The following LCLAT1 variants were observed in gnomAD, a reference collection of about 807,000 sequenced individuals.
The protein encoded by LCLAT1 is 1-AGP acyltransferase 8.
LCLAT1 carries 11 observed loss-of-function variants against 30.7 expected under a neutral mutation model. The ratio of observed to expected loss-of-function variants is 0.36; its 90% CI spans 0.23 to 0.59. The LOEUF is 0.59. Ranked by LOEUF, LCLAT1 falls within the 20% of genes least tolerant of loss-of-function variation. The pLI is 0.77. For synonymous variants in LCLAT1, 155 were observed against 151.3 expected, an observed-to-expected ratio of 1.02 and a Z score of -0.18; for missense variants, 402 against 458.6, an observed-to-expected ratio of 0.88 and a Z score of 1.13.
chr2:30,549,625 A>C (rs1297587823), intron 3 of LCLAT1, among the ~76,000 whole-genome samples: 1 of 152,218 alleles, frequency 6.6e-6, no homozygotes, highest in African/African-American at 2.4e-5. Context: ...AAGATATGCA[A>C]GATGAACCCT....
At chr2:30,455,243 T>C (rs1050013900) in intron 1 of LCLAT1, among the ~76,000 whole-genome samples, 1 of 152,244 alleles carries the variant, frequency 6.6e-6, no homozygotes, top group African/African-American at 2.4e-5. Context: ...TTCTCTTTTG[T>C]ATTTGTACTT....
intron 3 of LCLAT1, among the ~76,000 whole-genome samples, chr2:30,540,750 C>T (rs372355194): frequency 2.6e-5 from 4 of 151,672 alleles, no homozygotes; most frequent in African/African-American, 2.4e-5. Context: ...CTGCAATGTC[C>T]GCCTCCCGGG....
At chr2:30,593,829 A>G (rs1289084986) in intron 5 of LCLAT1, among the ~76,000 whole-genome samples, 2 of 151,520 alleles carry the variant, frequency 1.3e-5, no homozygotes, top group Admixed American at 1.3e-4. Flanking sequence ...AGGCTGAAGC[A>G]GGAGGATTGC....
At chr2:30,534,489 A>G (rs967624879) in intron 3 of LCLAT1, among the ~76,000 whole-genome samples, 1 of 152,282 alleles carries the variant, frequency 6.6e-6, no homozygotes, top group South Asian at 2.1e-4. Context: ...CGTGTTAGCC[A>G]GGATGGTCTT....
At chr2:30,490,560 C>T (rs927414059) in intron 1 of LCLAT1, among the ~76,000 whole-genome samples, 5 of 152,142 alleles carry the variant, frequency 3.3e-5, no homozygotes, top group Non-Finnish European at 1.5e-5. Context: ...GGAAATTTTC[C>T]TGGTAACTCT....
chr2:30,593,528 G>A (rs1458681873), intron 5 of LCLAT1, among the ~76,000 whole-genome samples: 1 of 152,118 alleles, frequency 6.6e-6, no homozygotes, highest in Non-Finnish European at 1.5e-5. Context: ...GCTTAGCTAT[G>A]CAGGGTCTTT....
At chr2:30,542,361 G>A (rs1032034408) in intron 3 of LCLAT1, among the ~76,000 whole-genome samples, 3 of 152,000 alleles carry the variant, frequency 2.0e-5, no homozygotes, top group Non-Finnish European at 2.9e-5. Context: ...TTATTGTGAG[G>A]CAGGGTCAAT....
chr2:30,531,307 A>G (rs1685973256), intron 2 of LCLAT1, among the ~76,000 whole-genome samples: 1 of 152,132 alleles, frequency 6.6e-6, no homozygotes, highest in South Asian at 2.1e-4. Context: ...CTGTGGATCC[A>G]CACCTGTAGG....
At chr2:30,637,577 G>T (rs1221396521) in intron 5 of LCLAT1, among the ~76,000 whole-genome samples, 1 of 151,970 alleles carries the variant, frequency 6.6e-6, no homozygotes, top group South Asian at 2.1e-4. Flanking sequence ...CTGACTACTG[G>T]CCCAGTTCTT....
chr2:30,558,910 T>A (rs1665065752), intron 3 of LCLAT1, among the ~76,000 whole-genome samples: 1 of 152,202 alleles, frequency 6.6e-6, no homozygotes, highest in African/African-American at 2.4e-5. Context: ...TACAAGATTA[T>A]CTATATTAAC....
chr2:30,620,182 C>T (rs374582534), intron 5 of LCLAT1, among the ~76,000 whole-genome samples: 2 of 152,136 alleles, frequency 1.3e-5, no homozygotes, highest in African/African-American at 4.8e-5. Context: ...TACAACTTCC[C>T]ATGGTCCTCT....
chr2:30,493,864 A>ATAAC (rs1344230897), intron 1 of LCLAT1, among the ~76,000 whole-genome samples: 2 of 152,194 alleles, frequency 1.3e-5, no homozygotes, highest in Admixed American at 1.3e-4. Context: ...TATTTAAAAA[A>ATAAC]TAGTTTTGAC....
chr2:30,474,049 T>C (rs1276358201), intron 1 of LCLAT1, among the ~76,000 whole-genome samples: 1 of 152,196 alleles, frequency 6.6e-6, no homozygotes, highest in East Asian at 1.9e-4. Context: ...CTTATGCAGC[T>C]ATGAAAATAC....
At chr2:30,546,357 C>T (rs190213177) in intron 3 of LCLAT1, among the ~76,000 whole-genome samples, 13 of 152,208 alleles carry the variant, frequency 8.5e-5, no homozygotes, top group Middle Eastern at 3.4e-3. Context: ...ATTTTACATG[C>T]TGTTGGTATT....
At chr2:30,458,307 A>G (rs940039945) in intron 1 of LCLAT1, among the ~76,000 whole-genome samples, 4 of 152,230 alleles carry the variant, frequency 2.6e-5, no homozygotes, top group Non-Finnish European at 5.9e-5. Context: ...TGTACTAGGA[A>G]GAAGCATTAG....
chr2:30,506,263 GT>G (rs1237264743), intron 1 of LCLAT1, among the ~76,000 whole-genome samples: 3 of 151,976 alleles, frequency 2.0e-5, no homozygotes, highest in African/African-American at 7.2e-5. Context: ...TTGTCTGTTT[GT>G]TTTTTCCAAA....
At chr2:30,541,987 TCTC>T (rs1664163420) in intron 3 of LCLAT1, among the ~76,000 whole-genome samples, 2 of 152,198 alleles carry the variant, frequency 1.3e-5, no homozygotes, top group South Asian at 4.1e-4. Flanking sequence ...TTGATCCTCT[TCTC>T]CTTTGCTCAT....
chr2:30,497,005 T>C (rs1684152294), intron 1 of LCLAT1, among the ~76,000 whole-genome samples: 1 of 152,262 alleles, frequency 6.6e-6, no homozygotes, highest in African/African-American at 2.4e-5. Flanking sequence ...TATTTACTTA[T>C]TTCAGAATTA....
intron 1 of LCLAT1, among the ~76,000 whole-genome samples, chr2:30,514,819 C>G (rs1288630981): frequency 2.0e-5 from 3 of 152,180 alleles, no homozygotes; most frequent in Admixed American, 2.0e-4. Context: ...AGGCTCTTAA[C>G]AAAATCAATC....
Sources: gnomAD v4.1 joint callset for allele counts (sites outside exome capture counted in the v4.1 genomes callset) on GRCh38, gnomAD v4.1.1 for gene constraint, MANE v1.5 for transcripts, NCBI Gene and HGNC (gene_info 2026-07-23, HGNC 2026-07-21) for gene names.